The following IL1RAPL1 variants were observed in gnomAD, a reference collection of about 807,000 sequenced individuals.
IL1RAPL1 encodes the protein interleukin 1 receptor accessory protein like 1, also known as interleukin-1 receptor accessory protein-like 1.
Under a neutral mutation model 48.4 loss-of-function variants are expected in IL1RAPL1, and 3 were observed. The observed-to-expected ratio is 0.06, with a 90% confidence interval of 0.03 to 0.16. IL1RAPL1 has a LOEUF of 0.16. Among genes scored for constraint, IL1RAPL1 ranks in the 10% least tolerant of loss-of-function variants. The pLI is 1.00. For synonymous variants in IL1RAPL1, 185 were observed against 187.7 expected (o/e 0.99, Z 0.12); for missense variants, 349 against 530.6 (o/e 0.66, Z 3.36).
intron 3 of IL1RAPL1, among the ~76,000 whole-genome samples, chrX:29,341,069 C>T (rs1257347981): frequency 8.9e-6 from 1 of 112,067 alleles, no homozygotes; most frequent in African/African-American, 3.2e-5. Flanking sequence ...GCCCTTGTCA[C>T]CCTTAGCTTA....
At chrX:29,340,088 T>TTA (rs770463959) in intron 3 of IL1RAPL1, among the ~76,000 whole-genome samples, 2 of 112,243 alleles carry the variant, frequency 1.8e-5, no homozygotes, top group Non-Finnish European at 3.8e-5. Flanking sequence ...AGATTACTGT[T>TTA]TATCTAGTCA....
At chrX:28,940,005 C>T (rs1212080030) in intron 2 of IL1RAPL1, among the ~76,000 whole-genome samples, 1 of 111,673 alleles carries the variant, frequency 9.0e-6, no homozygotes, top group Admixed American at 9.5e-5. Context: ...TTGTCTTTCA[C>T]TTCAAAGCAG....
At chrX:29,273,621 G>A (rs1043261624) in intron 2 of IL1RAPL1, among the ~76,000 whole-genome samples, 1 of 112,066 alleles carries the variant, frequency 8.9e-6, no homozygotes, top group South Asian at 3.7e-4. Flanking sequence ...TGTGCCAGCA[G>A]CCACAGCATG....
intron 2 of IL1RAPL1, among the ~76,000 whole-genome samples, chrX:29,200,501 G>A (rs935965301): frequency 2.7e-5 from 3 of 111,856 alleles, no homozygotes; most frequent in African/African-American, 9.7e-5. Context: ...TCAAATTTTA[G>A]CAGATTGTTT....
At chrX:29,787,606 C>T (rs1168922873) in intron 6 of IL1RAPL1, among the ~76,000 whole-genome samples, 1 of 111,548 alleles carries the variant, frequency 9.0e-6, no homozygotes, top group African/African-American at 3.3e-5. Flanking sequence ...ATGCACAAAA[C>T]CTGAAGACAA....
At chrX:29,027,864 T>G (rs1299163331) in intron 2 of IL1RAPL1, among the ~76,000 whole-genome samples, 1 of 111,430 alleles carries the variant, frequency 9.0e-6, no homozygotes, top group African/African-American at 3.3e-5. Flanking sequence ...TTAAGGTCTT[T>G]ACTGCGTTTT....
chrX:29,771,954 C>G (rs1319449031), intron 6 of IL1RAPL1, among the ~76,000 whole-genome samples: 2 of 110,884 alleles, frequency 1.8e-5, no homozygotes, highest in Non-Finnish European at 3.8e-5. Context: ...AGGGGAACTC[C>G]CCTTTATAAA....
At position 28,814,341 on chromosome X, in the gene IL1RAPL1, TTGTGTGTG is replaced by T. The variant is rs753090480; in HGVS notation, c.82+24948_82+24955del. ...TATTCCTTTGGGGCAATTTTCAGGT[TTGTGTGTG>T]TGTGTGTGTGTGTGTGTGTGTGTGT... On this transcript the variant is annotated intron_variant, in intron 2 of 10. Transcript: ENST00000378993. 1.6e-4 allele frequency among the ~76,000 whole-genome samples: 14 copies of T among 89,748 alleles called. No homozygotes were observed. The South Asian group carries it at 1.8e-3, about 12-fold the overall frequency. The allele number at this position is 89,748 out of a possible 115,157, so 77.9% of individuals were successfully genotyped here.
rs761878581 is a variant in IL1RAPL1 at position 29,522,912 on chromosome X, T to TTC, written c.703+123625_703+123626dup. 9.3e-4 allele frequency among the ~76,000 whole-genome samples: 100 copies of TTC among 107,285 alleles called. 1 individual carries two copies. The East Asian group carries it at 0.012, about 13-fold the overall frequency. The allele number at this position is 107,285 out of a possible 115,157, so 93.2% of individuals were successfully genotyped here. ...GTGTTCTCTCTCTCTCTCATCTGTG[T>TTC]TCTCTCTCTCTCTCTCTCTCTCAGC... On this transcript the variant is annotated intron_variant, in intron 5 of 10. Coordinates refer to ENST00000378993, the MANE Select transcript of IL1RAPL1 (RefSeq NM_014271.4).
intron 2 of IL1RAPL1, among the ~76,000 whole-genome samples, chrX:29,176,160 C>T (rs1930015444): frequency 1.0e-5 from 1 of 97,060 alleles, no homozygotes; most frequent in Non-Finnish European, 2.0e-5. Flanking sequence ...GTGGTGCGAT[C>T]TCGGCTCACT....
intron 2 of IL1RAPL1, among the ~76,000 whole-genome samples, chrX:28,996,280 A>G (rs1478207361): frequency 8.9e-6 from 1 of 111,747 alleles, no homozygotes; most frequent in Admixed American, 9.5e-5. Context: ...ATGTTATGGC[A>G]TCTATCGGTA....
intron 1 of IL1RAPL1, among the ~76,000 whole-genome samples, chrX:28,768,755 C>CTCTCTCTCTATATATATA (rs1364972830): frequency 8.6e-5 from 3 of 34,886 alleles, no homozygotes; most frequent in Admixed American, 4.6e-4. Flanking sequence ...CTCTCTCTCT[C>CTCTCTCTCTATATATATA]TATATATATA....
chrX:29,544,203 G>C (rs1222314048), intron 5 of IL1RAPL1, among the ~76,000 whole-genome samples: 1 of 111,544 alleles, frequency 9.0e-6, no homozygotes, highest in Non-Finnish European at 1.9e-5. Context: ...TCTTTCGTGG[G>C]AATTTGGTTT....
At chrX:28,921,383 A>G (rs954741620) in intron 2 of IL1RAPL1, among the ~76,000 whole-genome samples, 2 of 112,164 alleles carry the variant, frequency 1.8e-5, no homozygotes, top group Admixed American at 9.5e-5. Flanking sequence ...ATCTCCAAAT[A>G]CTCTGTGTGG....
At position 29,164,968 on chromosome X, in the gene IL1RAPL1, T is replaced by A. The variant is rs768297585; in HGVS notation, c.83-117970T>A. Reference sequence around the variant, plus strand: ...CTAGCCATCAGTTCTTTCTGTACTATGCATGCACAGCGTCTAACTTGTGCT... The same window carrying A: ...CTAGCCATCAGTTCTTTCTGTACTAAGCATGCACAGCGTCTAACTTGTGCT... On this transcript the variant is annotated intron_variant, in intron 2 of 10. Coordinates refer to ENST00000378993, the MANE Select transcript of IL1RAPL1 (RefSeq NM_014271.4). Among the ~76,000 whole-genome samples, 6 of 112,097 alleles carry A rather than the reference T, an allele frequency of 5.4e-5. No individual in the cohort carries two copies. The East Asian group carries it at 1.7e-3, about 31-fold the overall frequency.
intron 2 of IL1RAPL1, among the ~76,000 whole-genome samples, chrX:29,081,779 G>T (rs182331338): frequency 7.7e-4 from 85 of 109,946 alleles, no homozygotes; most frequent in African/African-American, 2.6e-3. Context: ...TTTAGCTCAG[G>T]TTTTAGAAGT....
intron 6 of IL1RAPL1, among the ~76,000 whole-genome samples, chrX:29,832,824 T>G (rs1171625498): frequency 9.2e-6 from 1 of 108,167 alleles, no homozygotes; most frequent in Non-Finnish European, 1.9e-5. Flanking sequence ...CCCACCTCCC[T>G]TTACCTGTAA....
At position 29,299,907 on chromosome X, in the gene IL1RAPL1, A is replaced by G. The variant is rs144341350; in HGVS notation, c.362+16690A>G. Among the ~76,000 whole-genome samples the G allele has an allele frequency of 2.7e-3, 303 of 111,962 alleles. 3 individuals carry two copies. Among genetic ancestry groups the G allele is most frequent in the African/African-American group, 9.3e-3 (287 of 30,847 alleles). On this transcript the variant is annotated intron_variant, in intron 3 of 10. Coordinates refer to ENST00000378993, the MANE Select transcript of IL1RAPL1 (RefSeq NM_014271.4). ...GGGTGTGTCCTTCATGAAAAGATTA[A>G]TAGCCTACTTCAGCAGTGAATGAGT... is the stretch of plus-strand genomic sequence containing the variant.
rs189607868 is a variant in IL1RAPL1 at position 28,945,997 on chromosome X, C to G, written c.82+156572C>G. Among the ~76,000 whole-genome samples, 912 of 107,264 alleles carry G rather than the reference C, an allele frequency of 8.5e-3. 12 individuals carry two copies. Among genetic ancestry groups the G allele is most frequent in the African/African-American group, 0.03 (875 of 29,445 alleles). The allele number at this position is 107,264 out of a possible 115,157, so 93.1% of individuals were successfully genotyped here. The stretch of plus-strand genomic sequence containing the variant: ...ATCCAGTACATAGAAAAGCAAATAA[C>G]AATGTCTAGCATAATTTTAAATGAA... On this transcript the variant is annotated intron_variant, in intron 2 of 10. Transcript: ENST00000378993.
Sources: gnomAD v4.1 joint callset for allele counts (sites outside exome capture counted in the v4.1 genomes callset) on GRCh38, gnomAD v4.1.1 for gene constraint, MANE v1.5 for transcripts, NCBI Gene and HGNC (gene_info 2026-07-23, HGNC 2026-07-21) for gene names.